ATF7IP2: variants seen among roughly 807,000 people sequenced by gnomAD.
ATF7IP2 encodes the protein activating transcription factor 7-interacting protein 2.
ATF7IP2 carries 42 observed loss-of-function variants against 64.2 expected under a neutral mutation model. That is an observed-to-expected ratio of 0.65 (90% CI 0.51 to 0.85). ATF7IP2 has a LOEUF of 0.85. ATF7IP2 is among the 40% of genes least tolerant of loss of function. ATF7IP2 has a pLI of 0.00. For synonymous variants in ATF7IP2, 308 were observed against 272.8 expected (o/e 1.13, Z -1.27); for missense variants, 933 against 784.2 (o/e 1.19, Z -2.27).
At chr16:10,469,770 G>A (rs559899806) in intron 9 of ATF7IP2, among the ~76,000 whole-genome samples, 19 of 151,814 alleles carry the variant, frequency 1.3e-4, no homozygotes, top group Admixed American at 4.6e-4. Flanking sequence ...GCAAAACACC[G>A]TCTCAAAAAA....
chr16:10,473,909 T>TTTTTTTA lies in ATF7IP2; in HGVS notation c.1483-14_1483-13insTTTTTTA. On this transcript the variant is annotated splice_polypyrimidine_tract_variant and intron_variant, in intron 11 of 13. Coordinates refer to ENST00000562102, the MANE Select transcript of ATF7IP2 (RefSeq NM_001393719.1). ...TGAGGCAAAGCTTTTTTTTTTTTTT[T>TTTTTTTA]ACAATTTTTTTAGGCTGTACAGAAG... 2.1e-6 allele frequency: 3 copies of TTTTTTTA among 1,409,290 alleles called. No individual in the cohort carries two copies. Among genetic ancestry groups the TTTTTTTA allele is most frequent in the Non-Finnish European group, 1.9e-6 (2 of 1,044,926 alleles). 87.3% of individuals were successfully genotyped at this position (1,409,290 alleles called of 1,614,324 possible). A position where few individuals can be genotyped will look rare whatever the true frequency, so the allele number is the denominator to read the frequency against.
At chr16:10,394,275 A>G (rs181133155) in intron 1 of ATF7IP2, among the ~76,000 whole-genome samples, 19 of 152,248 alleles carry the variant, frequency 1.2e-4, no homozygotes, top group African/African-American at 4.3e-4. Flanking sequence ...ATACTGAAAC[A>G]GTATTGCTGG....
chr16:10,473,533 T>C lies in ATF7IP2; in HGVS notation c.1481T>C (p.Met494Thr). The C allele has an allele frequency of 1.3e-6, 2 of 1,551,024 alleles. No individual in the cohort carries two copies. Among genetic ancestry groups the C allele is most frequent in the South Asian group, 2.3e-5 (2 of 86,930 alleles). Reference sequence around the variant, plus strand: ...AGCAATTCTCCCAATGCTGAAGTTATGGTGAGTAATAAATATTGACTCTGA... The same window carrying C: ...AGCAATTCTCCCAATGCTGAAGTTACGGTGAGTAATAAATATTGACTCTGA... ...NSSNSPNAEV[M>T]AVQKKLDSII... Residue 494 changes from methionine to threonine, a missense_variant and splice_region_variant, in exon 11 of 14, where the codon ATG becomes ACG. Coordinates refer to ENST00000562102, the MANE Select transcript of ATF7IP2 (RefSeq NM_001393719.1).
At chr16:10,479,957 A>AC (rs2050155040) in intron 12 of ATF7IP2, among the ~76,000 whole-genome samples, 1 of 104,390 alleles carries the variant, frequency 9.6e-6, no homozygotes, top group Non-Finnish European at 2.0e-5. Flanking sequence ...AACTGGAAAT[A>AC]CTTTTTTTTT....
chr16:10,437,328 C>T, intron 6 of ATF7IP2, among the ~76,000 whole-genome samples: 1 of 152,202 alleles, frequency 6.6e-6, no homozygotes. Flanking sequence ...TGGCTTCTTT[C>T]AGTTTTAGCA....
intron 3 of ATF7IP2, among the ~76,000 whole-genome samples, chr16:10,419,826 C>G (rs1297257021): frequency 1.3e-5 from 2 of 152,334 alleles, no homozygotes; most frequent in East Asian, 1.9e-4. Flanking sequence ...AGCATAACCT[C>G]TACCCCAAAT....
At chr16:10,481,064 G>T in intron 13 of ATF7IP2, 100 bp downstream of exon 13, 1 of 861,688 alleles carries the variant, frequency 1.2e-6, no homozygotes, top group South Asian at 1.5e-5. Context: ...TTTCAGCTTA[G>T]ACAACAATTT....
chr16:10,453,627 A>AT (rs1344712852), intron 8 of ATF7IP2, among the ~76,000 whole-genome samples: 5 of 151,970 alleles, frequency 3.3e-5, no homozygotes, highest in East Asian at 1.9e-4. Context: ...TTGTTTATTT[A>AT]TTTTTTTGAG....
At chr16:10,421,669 A>G (rs1301391793) in intron 3 of ATF7IP2, among the ~76,000 whole-genome samples, 1 of 152,250 alleles carries the variant, frequency 6.6e-6, no homozygotes, top group Non-Finnish European at 1.5e-5. Flanking sequence ...TTTGCAAGTG[A>G]TCATAAGATT....
intron 9 of ATF7IP2, among the ~76,000 whole-genome samples, chr16:10,464,931 G>T (rs1364530065): frequency 6.6e-6 from 1 of 152,158 alleles, no homozygotes; most frequent in Non-Finnish European, 1.5e-5. Context: ...CCTGGGTTTA[G>T]GTGATTCTTC....
chr16:10,398,691 A>G (rs564569166), intron 1 of ATF7IP2, among the ~76,000 whole-genome samples: 61 of 152,264 alleles, frequency 4.0e-4, no homozygotes, highest in Non-Finnish European at 7.9e-4. Flanking sequence ...GACAAATACT[A>G]TATGATGTCA....
chr16:10,433,289 C>T (rs945247719), intron 5 of ATF7IP2, among the ~76,000 whole-genome samples: 2 of 152,128 alleles, frequency 1.3e-5, no homozygotes, highest in Non-Finnish European at 2.9e-5. Flanking sequence ...AATCCTCTCA[C>T]CTCAACCTCC....
chr16:10,420,379 A>G (rs1257993474), intron 3 of ATF7IP2, among the ~76,000 whole-genome samples: 5 of 152,242 alleles, frequency 3.3e-5, no homozygotes, highest in Non-Finnish European at 7.3e-5. Flanking sequence ...TTTGCCAAAG[A>G]GAATTAGGTT....
chr16:10,451,659 T>C (rs1195894925), intron 8 of ATF7IP2, among the ~76,000 whole-genome samples: 3 of 152,058 alleles, frequency 2.0e-5, no homozygotes, highest in Non-Finnish European at 1.5e-5. Context: ...TACCGTGTTT[T>C]TCAGCTCCAT....
chr16:10,431,335 G>C lies in ATF7IP2; in HGVS notation c.715G>C (p.Val239Leu). Reference sequence around the variant, plus strand: ...GAAAACACCTAATTTGGTGAATTCAGTCACTTCTAACAACTGTGCTGATGA... The same window carrying C: ...GAAAACACCTAATTTGGTGAATTCACTCACTTCTAACAACTGTGCTGATGA... The part of the protein sequence containing the change: ...VEKTPNLVNS[V>L]TSNNCADDIL... The change falls in exon 5 of 14, where the codon GTC (valine) becomes CTC (leucine). Residue 239 changes from valine (V) to leucine (L), a missense_variant. Val to Leu is a conservative substitution (Grantham distance 32, BLOSUM62 1). Transcript: ENST00000562102. 3 of 1,614,228 alleles carry C rather than the reference G, an allele frequency of 1.9e-6. No homozygotes were observed. Among genetic ancestry groups the C allele is most frequent in the Non-Finnish European group, 2.5e-6 (3 of 1,180,026 alleles).
intron 3 of ATF7IP2, among the ~76,000 whole-genome samples, chr16:10,423,658 A>G (rs1395181783): frequency 6.6e-6 from 1 of 152,198 alleles, no homozygotes; most frequent in Non-Finnish European, 1.5e-5. Context: ...GGGGTGCAGA[A>G]GGGTAGGGAC....
intron 3 of ATF7IP2, among the ~76,000 whole-genome samples, chr16:10,421,739 A>C (rs1482047380): frequency 1.3e-5 from 2 of 152,258 alleles, no homozygotes; most frequent in African/African-American, 4.8e-5. Flanking sequence ...TGAATAATGT[A>C]ACACTGTGGA....
At position 10,414,668 on chromosome 16, in the gene ATF7IP2, C is replaced by CA. The variant is rs542978088; in HGVS notation, c.-203+56_-203+57insA. ...GTGTGTGTGTGTGTGTGTGTTTGGG[C>CA]GGGGGGGTGGGGGATGTTAAGGAAC... is the stretch of plus-strand genomic sequence containing the variant. On this transcript the variant is annotated intron_variant, in intron 2 of 13. Coordinates refer to ENST00000562102, the MANE Select transcript of ATF7IP2 (RefSeq NM_001393719.1). The CA allele has an allele frequency of 2.9e-4, 22 of 76,376 alleles. 3 individuals are homozygous for CA. In the East Asian group the frequency reaches 7.0e-3, roughly 24 times the overall value. 4.7% of individuals were successfully genotyped at this position (76,376 alleles called of 1,614,324 possible).
chr16:10,471,911 A>C (rs2049813936), intron 9 of ATF7IP2, 199 bp from the exon 10 acceptor site: 1 of 381,610 alleles, frequency 2.6e-6, no homozygotes, highest in Non-Finnish European at 4.7e-6. Flanking sequence ...GATTTTGATG[A>C]ATCTTTAGTC....
Sources: gnomAD v4.1 joint callset for allele counts (sites outside exome capture counted in the v4.1 genomes callset) on GRCh38, gnomAD v4.1.1 for gene constraint, MANE v1.5 for transcripts, NCBI Gene and HGNC (gene_info 2026-07-23, HGNC 2026-07-21) for gene names.